Variants in FGF10 observed in about 807,000 individuals in gnomAD.
The protein encoded by FGF10 is fibroblast growth factor 10, also known as FGF-10.
FGF10 carries 2 observed loss-of-function variants against 19.8 expected under a neutral mutation model. The ratio of observed to expected loss-of-function variants is 0.10; its 90% CI spans 0.04 to 0.32. The LOEUF (loss-of-function observed/expected upper bound fraction) is 0.32, where lower values mean the gene tolerates loss of function less well. FGF10 is among the 10% of genes least tolerant of loss of function. The pLI, the probability that FGF10 is intolerant of heterozygous loss-of-function variation, is 1.00. For missense variants in FGF10, 191 were observed against 246.3 expected, an observed-to-expected ratio of 0.78 and a Z score of 1.50; for synonymous variants, 112 against 94.0, an observed-to-expected ratio of 1.19 and a Z score of -1.10.
rs894871281 is a variant in FGF10, at chr5:44,302,675, C to T, written c.*2320G>A. Among the ~76,000 whole-genome samples, 1 of 152,092 alleles carries T rather than the reference C, an allele frequency of 6.6e-6. No homozygotes were observed. The highest frequency in any genetic ancestry group is 2.4e-5 in the African/African-American group (1 of 41,430). Reference sequence around the variant, plus strand: ...CTACTGCACCAGGCAGGTTTTTTGTCTTTCTGTGAGGGAAATGTGGGAGAG... The same window carrying T: ...CTACTGCACCAGGCAGGTTTTTTGTTTTTCTGTGAGGGAAATGTGGGAGAG... On this transcript the variant is annotated 3_prime_UTR_variant, in exon 3 of 3. Transcript: ENST00000264664.
At chr5:44,305,342 A>G in intron 2 of FGF10, 150 bp from the exon 3 acceptor site, 1 of 688,170 alleles carries the variant, frequency 1.5e-6, no homozygotes, top group Admixed American at 2.4e-5. Flanking sequence ...TGTCAACAAT[A>G]GAAAAGTAAA....
At chr5:44,362,630 G>A (rs1188966084) in intron 1 of FGF10, among the ~76,000 whole-genome samples, 1 of 151,568 alleles carries the variant, frequency 6.6e-6, no homozygotes, top group Admixed American at 6.6e-5. Flanking sequence ...ATATGTTAGA[G>A]AACAAATACT....
At chr5:44,335,488 C>T (rs1740826064) in intron 1 of FGF10, among the ~76,000 whole-genome samples, 1 of 152,110 alleles carries the variant, frequency 6.6e-6, no homozygotes, top group Admixed American at 6.5e-5. Flanking sequence ...TGGTAACAAT[C>T]ATTCAGATTT....
chr5:44,319,953 C>T (rs1406458486), intron 1 of FGF10, among the ~76,000 whole-genome samples: 8 of 152,158 alleles, frequency 5.3e-5, no homozygotes, highest in African/African-American at 1.7e-4. Flanking sequence ...GTATTTGCAG[C>T]CACTCCACAG....
At chr5:44,311,965 C>T (rs192117031) in intron 1 of FGF10, among the ~76,000 whole-genome samples, 178 of 152,160 alleles carry the variant, frequency 1.2e-3, no homozygotes, top group Non-Finnish European at 1.7e-3. Flanking sequence ...TGAGTTTCCC[C>T]TGTTGCCAAG....
intron 2 of FGF10, among the ~76,000 whole-genome samples, chr5:44,305,451 C>A (rs917861536): frequency 3.9e-5 from 6 of 152,070 alleles, no homozygotes; most frequent in African/African-American, 9.7e-5. Context: ...AGCTGATGTG[C>A]TTTGAATATT....
chr5:44,373,673 T>C (rs985378369), intron 1 of FGF10, among the ~76,000 whole-genome samples: 6 of 152,146 alleles, frequency 3.9e-5, no homozygotes, highest in Admixed American at 3.9e-4. Context: ...GCACTGTTAA[T>C]ATTAATATGT....
chr5:44,385,738 T>C (rs1039001254), intron 1 of FGF10, among the ~76,000 whole-genome samples: 2 of 152,184 alleles, frequency 1.3e-5, no homozygotes, highest in African/African-American at 4.8e-5. Flanking sequence ...CCTGTAGGCA[T>C]GGTAAAAGTT....
intron 1 of FGF10, among the ~76,000 whole-genome samples, chr5:44,380,023 C>A (rs1241104998): frequency 6.6e-6 from 1 of 152,154 alleles, no homozygotes; most frequent in Non-Finnish European, 1.5e-5. Flanking sequence ...ACATCACTAG[C>A]ACTTTTCTTT....
At chr5:44,387,319 G>A (rs1436758221) in intron 1 of FGF10, among the ~76,000 whole-genome samples, 1 of 152,000 alleles carries the variant, frequency 6.6e-6, no homozygotes, top group Admixed American at 6.6e-5. Context: ...ACCCCTGCAA[G>A]AAAGAAAGAA....
At chr5:44,344,920 C>G (rs1403579897) in intron 1 of FGF10, among the ~76,000 whole-genome samples, 2 of 150,580 alleles carry the variant, frequency 1.3e-5, no homozygotes, top group Admixed American at 6.6e-5. Flanking sequence ...TATACAATTA[C>G]TTGTTAGCTC....
chr5:44,375,538 G>T (rs1741833172), intron 1 of FGF10, among the ~76,000 whole-genome samples: 1 of 152,162 alleles, frequency 6.6e-6, no homozygotes, highest in Non-Finnish European at 1.5e-5. Context: ...AGGCCAGGGA[G>T]TTGGTAGGGA....
At chr5:44,315,443 A>G (rs921614692) in intron 1 of FGF10, among the ~76,000 whole-genome samples, 3 of 152,064 alleles carry the variant, frequency 2.0e-5, no homozygotes, top group African/African-American at 7.2e-5. Flanking sequence ...ACCTCCCCCA[A>G]TGGCACTTTG....
chr5:44,384,713 T>A (rs1742059901), intron 1 of FGF10, among the ~76,000 whole-genome samples: 1 of 152,132 alleles, frequency 6.6e-6, no homozygotes. Flanking sequence ...TTGATAGTTG[T>A]AGGACTATTA....
Position 44,325,365 on chromosome 5 carries a change from C to T in FGF10, c.326-14835G>A, listed in dbSNP as rs1177026243. 2.0e-5 allele frequency among the ~76,000 whole-genome samples: 3 copies of T among 152,034 alleles called. No individual in the cohort carries two copies. In the East Asian group the frequency reaches 5.8e-4, roughly 29 times the overall value. On this transcript the variant is annotated intron_variant, in intron 1 of 2. Coordinates refer to ENST00000264664, the MANE Select transcript of FGF10 (RefSeq NM_004465.2). ...ATCTAGAACTAGAAATACCATTTGA[C>T]CTAGCCATCCCATTACTGGGTATAT...
At chr5:44,383,494 A>G (rs1219982848) in intron 1 of FGF10, among the ~76,000 whole-genome samples, 1 of 152,110 alleles carries the variant, frequency 6.6e-6, no homozygotes, top group Non-Finnish European at 1.5e-5. Flanking sequence ...GAAATATCCA[A>G]GACCTAGAAT....
chr5:44,303,275 A>C lies in FGF10; in HGVS notation c.*1720T>G, dbSNP rs796241520. Among the ~76,000 whole-genome samples the C allele has an allele frequency of 9.2e-5, 14 of 152,306 alleles. No individual in the cohort carries two copies. The highest frequency in any genetic ancestry group is 3.4e-4 in the African/African-American group (14 of 41,564). Reference sequence around the variant, plus strand: ...TTTTTAAAAATAACAGATTAACTGGAAGTGCTGGTTAAGTATTGACACAAA... The same window carrying C: ...TTTTTAAAAATAACAGATTAACTGGCAGTGCTGGTTAAGTATTGACACAAA... On this transcript the variant is annotated 3_prime_UTR_variant, in exon 3 of 3. Transcript: ENST00000264664.
At chr5:44,310,622 G>C in intron 1 of FGF10, 92 bp from the exon 2 acceptor site, 3 of 959,042 alleles carry the variant, frequency 3.1e-6, no homozygotes, top group Non-Finnish European at 4.8e-6. Context: ...GTTGTTTTTT[G>C]TGTGGTTCTA....
At chr5:44,318,618 A>G (rs1228610376) in intron 1 of FGF10, among the ~76,000 whole-genome samples, 1 of 152,170 alleles carries the variant, frequency 6.6e-6, no homozygotes, top group Non-Finnish European at 1.5e-5. Flanking sequence ...GACCATGCAA[A>G]AATAAGGCAC....
Sources: gnomAD v4.1 joint callset for allele counts (sites outside exome capture counted in the v4.1 genomes callset) on GRCh38, gnomAD v4.1.1 for gene constraint, MANE v1.5 for transcripts, NCBI Gene and HGNC (gene_info 2026-07-23, HGNC 2026-07-21) for gene names.